Variants in EHBP1 observed in about 807,000 individuals in gnomAD.
EHBP1 encodes the protein EH domain binding protein 1, also known as EH domain-binding protein 1.
In EHBP1, 55 loss-of-function variants were observed where a neutral mutation model predicts 144.0. That is an observed-to-expected ratio of 0.38 (90% CI 0.31 to 0.48). The LOEUF is 0.48. Ranked by LOEUF, EHBP1 falls within the 20% of genes least tolerant of loss-of-function variation. EHBP1 has a pLI of 0.98. For missense variants in EHBP1, 1,200 were observed against 1,364.2 expected, an observed-to-expected ratio of 0.88 and a Z score of 1.90; for synonymous variants, 469 against 472.7, an observed-to-expected ratio of 0.99 and a Z score of 0.10.
At chr2:62,998,616 T>C (rs2059732796) in intron 19 of EHBP1, among the ~76,000 whole-genome samples, 1 of 152,176 alleles carries the variant, frequency 6.6e-6, no homozygotes. Flanking sequence ...GGGTTCTAAC[T>C]GAAATAGACT....
intron 19 of EHBP1, 58 bp downstream of exon 19, chr2:62,996,824 T>A (rs2059647780): frequency 1.9e-6 from 3 of 1,583,286 alleles, no homozygotes; most frequent in Non-Finnish European, 2.6e-6. Flanking sequence ...CACAAACTCT[T>A]ATAGAGTTTT....
At chr2:62,835,933 C>T (rs2047199962) in intron 7 of EHBP1, among the ~76,000 whole-genome samples, 1 of 151,918 alleles carries the variant, frequency 6.6e-6, no homozygotes, top group African/African-American at 2.4e-5. Context: ...CCGCCATTGC[C>T]CAGGCTTGCT....
intron 10 of EHBP1, among the ~76,000 whole-genome samples, chr2:62,892,298 G>A (rs1262358082): frequency 6.6e-6 from 1 of 152,038 alleles, no homozygotes; most frequent in East Asian, 1.9e-4. Context: ...AGCTAGGTGG[G>A]TGTTTTTTGG....
At chr2:62,913,155 G>A (rs1408137349) in intron 10 of EHBP1, among the ~76,000 whole-genome samples, 3 of 152,126 alleles carry the variant, frequency 2.0e-5, no homozygotes, top group Non-Finnish European at 2.9e-5. Flanking sequence ...CATGTATTAT[G>A]ATAAGGATGA....
intron 5 of EHBP1, among the ~76,000 whole-genome samples, chr2:62,779,785 T>C (rs1269840322): frequency 6.6e-6 from 1 of 152,214 alleles, no homozygotes; most frequent in African/African-American, 2.4e-5. Flanking sequence ...AGATCCAGTG[T>C]TTTATTTTTA....
intron 10 of EHBP1, among the ~76,000 whole-genome samples, chr2:62,930,976 G>C (rs1345713094): frequency 2.0e-5 from 3 of 152,048 alleles, no homozygotes; most frequent in African/African-American, 7.3e-5. Flanking sequence ...GTGATTTCTT[G>C]GGTAGACACC....
Position 62,707,286 on chromosome 2 carries a change from C to A in EHBP1, c.95C>A (p.Thr32Lys). ...TACCAGGAGCTCATGGTTGAGTGTA[C>A]GAAGAAATGGTAAGATGTACCTGGA... ...ASYQELMVEC[T>K]KKWQPDKLVV... is the part of the protein sequence containing the mutation. The change falls in exon 2 of 23, where the codon ACG becomes AAG. Residue 32 changes from threonine to lysine, a missense_variant. Thr to Lys is a moderately conservative substitution (Grantham distance 78). Transcript: ENST00000431489. 6.2e-7 allele frequency: 1 copy of A among 1,613,070 alleles called. No individual in the cohort carries two copies. The highest frequency in any genetic ancestry group is 8.5e-7 in the Non-Finnish European group (1 of 1,179,068).
intron 19 of EHBP1, among the ~76,000 whole-genome samples, chr2:63,012,686 GA>G (rs1489655079): frequency 6.6e-6 from 1 of 152,148 alleles, no homozygotes; most frequent in East Asian, 1.9e-4. Context: ...GAGATGAGAG[GA>G]AAATAACTTA....
rs868077215 is a variant in EHBP1 at position 62,996,754 on chromosome 2, C to T, written c.3091C>T (p.Leu1031Phe). Reference protein sequence around the residue: ...AALVEKRLRYLMDTGRNTEEE... With the variant: ...AALVEKRLRYFMDTGRNTEEE... ...GCTGGTGGAGAAGCGCCTTCGCTATCTCATGGACACAGGTACGGTGCCCAA... is the reference window on the plus strand; with the variant it reads ...GCTGGTGGAGAAGCGCCTTCGCTATTTCATGGACACAGGTACGGTGCCCAA... The change falls in exon 19 of 23, where the codon CTC becomes TTC. Residue 1031 changes from leucine (L) to phenylalanine (F), a missense_variant. Transcript: ENST00000431489. The T allele has an allele frequency of 6.2e-7, 1 of 1,612,300 alleles. No individual in the cohort carries two copies. The highest frequency in any genetic ancestry group is 8.5e-7 in the Non-Finnish European group (1 of 1,179,330).
intron 14 of EHBP1, among the ~76,000 whole-genome samples, chr2:62,965,557 G>A (rs1236235198): frequency 6.6e-6 from 1 of 152,162 alleles, no homozygotes; most frequent in Non-Finnish European, 1.5e-5. Context: ...AGAATTTAAA[G>A]AGTCACTTGC....
At chr2:62,795,214 TC>T (rs2043454485) in intron 5 of EHBP1, among the ~76,000 whole-genome samples, 1 of 152,028 alleles carries the variant, frequency 6.6e-6, no homozygotes, top group South Asian at 2.1e-4. Context: ...ATGGAAGAAC[TC>T]GTAAGGAAAA....
chr2:62,689,586 G>A (rs1013720324), intron 1 of EHBP1, among the ~76,000 whole-genome samples: 2 of 152,162 alleles, frequency 1.3e-5, no homozygotes, highest in African/African-American at 4.8e-5. Context: ...GGAGGTTGCC[G>A]AGAGGTAACC....
chr2:62,891,790 G>A (rs960965088), intron 10 of EHBP1, among the ~76,000 whole-genome samples: 2 of 152,006 alleles, frequency 1.3e-5, no homozygotes, highest in Non-Finnish European at 2.9e-5. Flanking sequence ...TTATGGCTTA[G>A]GAAACTTTTA....
At chr2:62,984,623 A>T (rs1378323305) in intron 15 of EHBP1, among the ~76,000 whole-genome samples, 1 of 152,358 alleles carries the variant, frequency 6.6e-6, no homozygotes, top group East Asian at 1.9e-4. Context: ...AATATGTAAC[A>T]TTAACTGTTC....
At chr2:62,834,466 C>G (rs1023481894) in intron 7 of EHBP1, among the ~76,000 whole-genome samples, 1 of 152,158 alleles carries the variant, frequency 6.6e-6, no homozygotes, top group South Asian at 2.1e-4. Context: ...GTAGACCCAC[C>G]AACACCAAAA....
chr2:62,709,340 G>A (rs1360536945), intron 2 of EHBP1, among the ~76,000 whole-genome samples: 1 of 152,068 alleles, frequency 6.6e-6, no homozygotes, highest in East Asian at 1.9e-4. Flanking sequence ...GGATGTATTT[G>A]ACCAAGCTGG....
chr2:62,934,957 C>G (rs2056264436), intron 10 of EHBP1, among the ~76,000 whole-genome samples: 1 of 152,008 alleles, frequency 6.6e-6, no homozygotes, highest in Non-Finnish European at 1.5e-5. Context: ...TTAGTTAACC[C>G]TTTCTGTTGG....
At chr2:62,674,185 G>A in intron 1 of EHBP1, 4 of 470,408 alleles carry the variant, frequency 8.5e-6, no homozygotes, top group South Asian at 6.2e-5. Context: ...TGATAACCTA[G>A]ATTTTCATGT....
intron 13 of EHBP1, among the ~76,000 whole-genome samples, chr2:62,951,432 A>G (rs1372760029): frequency 1.3e-5 from 2 of 151,656 alleles, no homozygotes; most frequent in Non-Finnish European, 2.9e-5. Context: ...GCATATGTCC[A>G]CACATAGTAG....
Sources: gnomAD v4.1 joint callset for allele counts (sites outside exome capture counted in the v4.1 genomes callset) on GRCh38, gnomAD v4.1.1 for gene constraint, MANE v1.5 for transcripts, NCBI Gene and HGNC (gene_info 2026-07-23, HGNC 2026-07-21) for gene names.